Variants in ELMO1 observed in about 807,000 individuals in gnomAD.
ELMO1 encodes engulfment and cell motility protein 1.
Under a neutral mutation model 98.9 loss-of-function variants are expected in ELMO1, and 26 were observed. The ratio of observed to expected loss-of-function variants is 0.26; its 90% CI spans 0.19 to 0.36. ELMO1 has a LOEUF of 0.36. Ranked by LOEUF, ELMO1 falls within the 10% of genes least tolerant of loss-of-function variation. The probability of loss-of-function intolerance (pLI) is 1.00; values close to 1 mark genes in which losing one functional copy is unlikely to be tolerated. For missense variants in ELMO1, 627 were observed against 935.2 expected, an observed-to-expected ratio of 0.67 and a Z score of 4.30; for synonymous variants, 346 against 346.0, an observed-to-expected ratio of 1.00 and a Z score of 0.00.
intron 6 of ELMO1, among the ~76,000 whole-genome samples, chr7:37,256,754 AGG>A (rs1412260919): frequency 1.9e-3 from 160 of 83,900 alleles, no homozygotes; most frequent in Middle Eastern, 7.9e-3. Flanking sequence ...AGGGAAGGGA[AGG>A]GAAGGGAGAA....
At chr7:37,173,714 C>A (rs912929857) in intron 13 of ELMO1, among the ~76,000 whole-genome samples, 2 of 152,164 alleles carry the variant, frequency 1.3e-5, no homozygotes, top group African/African-American at 4.8e-5. Flanking sequence ...CTGTTAAGCT[C>A]AAAACTTATA....
chr7:37,174,991 G>A (rs972191058), intron 13 of ELMO1, among the ~76,000 whole-genome samples: 16 of 152,096 alleles, frequency 1.1e-4, no homozygotes, highest in Admixed American at 2.6e-4. Context: ...AAGAGGAAAG[G>A]GGTTAAGAAT....
intron 20 of ELMO1, among the ~76,000 whole-genome samples, chr7:36,862,687 C>T (rs1584265577): frequency 6.6e-6 from 1 of 151,064 alleles, no homozygotes; most frequent in African/African-American, 2.4e-5. Flanking sequence ...CAAACCAACG[C>T]TCTACACTGT....
intron 1 of ELMO1, among the ~76,000 whole-genome samples, chr7:37,425,366 T>C (rs1302265161): frequency 6.6e-6 from 1 of 152,238 alleles, no homozygotes; most frequent in Non-Finnish European, 1.5e-5. Flanking sequence ...AAGACCCCAC[T>C]TTCTAATACC....
chr7:37,370,083 C>A (rs1001023605), intron 1 of ELMO1, among the ~76,000 whole-genome samples: 2 of 152,222 alleles, frequency 1.3e-5, no homozygotes, highest in African/African-American at 4.8e-5. Context: ...AGTCTCTATG[C>A]TCAGGACACC....
intron 2 of ELMO1, among the ~76,000 whole-genome samples, chr7:37,334,516 C>T (rs1800296299): frequency 6.6e-6 from 1 of 152,134 alleles, no homozygotes; most frequent in African/African-American, 2.4e-5. Context: ...AAATCAGTAC[C>T]TTCCTAGCTG....
rs957654472 is a variant in ELMO1, at chr7:37,345,906, G to A, written c.-73-3143C>T. Among the ~76,000 whole-genome samples, 20 of 150,832 alleles carry A rather than the reference G, an allele frequency of 1.3e-4. 1 individual carries two copies. Among genetic ancestry groups the A allele is most frequent in the South Asian group, 2.1e-4 (1 of 4,764 alleles). On this transcript the variant is annotated intron_variant, in intron 1 of 21. Transcript: ENST00000310758. ...CGGGAGGCTGAGACAGGAAAATGGC[G>A]TGAACCCAGGAGGCAGAGCTTGCAG...
intron 16 of ELMO1, among the ~76,000 whole-genome samples, chr7:37,008,724 G>A (rs892192700): frequency 6.6e-6 from 1 of 152,044 alleles, no homozygotes; most frequent in Non-Finnish European, 1.5e-5. Context: ...ATAGAGCTCT[G>A]GAATAGCAGA....
intron 1 of ELMO1, among the ~76,000 whole-genome samples, chr7:37,347,282 C>CACA (rs1801052430): frequency 6.6e-6 from 1 of 152,176 alleles, no homozygotes; most frequent in Non-Finnish European, 1.5e-5. Context: ...CTAGCCTGGG[C>CACA]TTTCTCATTC....
chr7:37,210,086 A>G (rs1366909328), intron 13 of ELMO1, among the ~76,000 whole-genome samples: 1 of 151,728 alleles, frequency 6.6e-6, no homozygotes, highest in Non-Finnish European at 1.5e-5. Flanking sequence ...ACTACTGGAG[A>G]GAGTTAAAAA....
At chr7:37,195,296 G>A (rs965650276) in intron 13 of ELMO1, among the ~76,000 whole-genome samples, 4 of 152,216 alleles carry the variant, frequency 2.6e-5, no homozygotes, top group African/African-American at 7.2e-5. Context: ...TGACTAGAGA[G>A]AGGCCTGTCC....
rs374892700 is a variant in ELMO1, at chr7:37,192,970, GATAT to G, written c.1086+18412_1086+18415del. Among the ~76,000 whole-genome samples, 179 of 40,036 alleles carry G rather than the reference GATAT, an allele frequency of 4.5e-3. 1 individual carries two copies. Among genetic ancestry groups the G allele is most frequent in the African/African-American group, 9.7e-3 (150 of 15,472 alleles). The allele number at this position is 40,036 out of a possible 152,430, so 26.3% of individuals were successfully genotyped here. ...ATATATATTTTTTATATATATAGGA[GATAT>G]ATATATATATATATATATATATATA... On this transcript the variant is annotated intron_variant, in intron 13 of 21. Transcript: ENST00000310758.
intron 13 of ELMO1, among the ~76,000 whole-genome samples, chr7:37,206,028 C>T (rs1792595879): frequency 6.6e-6 from 1 of 152,152 alleles, no homozygotes; most frequent in South Asian, 2.1e-4. Flanking sequence ...TTAACTGTTA[C>T]TTTCACCACG....
At chr7:37,054,557 G>A (rs934708711) in intron 15 of ELMO1, among the ~76,000 whole-genome samples, 1 of 152,100 alleles carries the variant, frequency 6.6e-6, no homozygotes, top group African/African-American at 2.4e-5. Context: ...ATGTACTAAT[G>A]TTTCATTAAA....
intron 8 of ELMO1, among the ~76,000 whole-genome samples, chr7:37,227,759 C>T (rs1476661574): frequency 6.6e-6 from 1 of 152,208 alleles, no homozygotes; most frequent in Non-Finnish European, 1.5e-5. Flanking sequence ...ATCATTAACT[C>T]TTCTCTGCTG....
chr7:37,067,519 A>G (rs1797047652), intron 15 of ELMO1, among the ~76,000 whole-genome samples: 1 of 152,164 alleles, frequency 6.6e-6, no homozygotes, highest in East Asian at 1.9e-4. Flanking sequence ...TAATTATTCT[A>G]CTATGTACAG....
intron 13 of ELMO1, among the ~76,000 whole-genome samples, chr7:37,170,936 A>T (rs1220885696): frequency 6.6e-6 from 1 of 152,104 alleles, no homozygotes; most frequent in African/African-American, 2.4e-5. Flanking sequence ...TATTTTTCCC[A>T]GAAACTTTGT....
At chr7:37,157,285 T>C (rs933707315) in intron 13 of ELMO1, among the ~76,000 whole-genome samples, 2 of 152,236 alleles carry the variant, frequency 1.3e-5, no homozygotes, top group African/African-American at 4.8e-5. Context: ...TCACCATTCC[T>C]ATTCAACATA....
chr7:36,976,433 G>A lies in ELMO1; in HGVS notation c.1437+36866C>T, dbSNP rs535865228. Among the ~76,000 whole-genome samples the A allele has an allele frequency of 3.3e-5, 5 of 152,232 alleles. 1 individual carries two copies. The highest frequency in any genetic ancestry group is 7.2e-5 in the African/African-American group (3 of 41,530). ...AGGTGCTAATAAAACTTTTCTTCTC[G>A]ATTGAGCTTAACAGCATAATTATTA... On this transcript the variant is annotated intron_variant, in intron 16 of 21. Transcript: ENST00000310758.
Sources: gnomAD v4.1 joint callset for allele counts (sites outside exome capture counted in the v4.1 genomes callset) on GRCh38, gnomAD v4.1.1 for gene constraint, MANE v1.5 for transcripts, NCBI Gene and HGNC (gene_info 2026-07-23, HGNC 2026-07-21) for gene names.